PALM2AKAP2: variants seen among roughly 807,000 people sequenced by gnomAD.
PALM2AKAP2 encodes the protein PALM2 and AKAP2 fusion.
A neutral mutation model predicts 71.5 loss-of-function variants in PALM2AKAP2; 37 were observed. That is an observed-to-expected ratio of 0.52 (90% confidence interval 0.40 to 0.68). The LOEUF (loss-of-function observed/expected upper bound fraction) is 0.68, where lower values mean the gene tolerates loss of function less well. Ranked by LOEUF, PALM2AKAP2 falls within the 30% of genes least tolerant of loss-of-function variation. The pLI is 0.00. For synonymous variants in PALM2AKAP2, 468 were observed against 478.8 expected, an observed-to-expected ratio of 0.98 and a Z score of 0.29; for missense variants, 1,224 against 1,191.8, an observed-to-expected ratio of 1.03 and a Z score of -0.40.
chr9:110,149,250 T>TA (rs1836252920), intron 2 of PALM2AKAP2, among the ~76,000 whole-genome samples: 1 of 152,256 alleles, frequency 6.6e-6, no homozygotes, highest in Non-Finnish European at 1.5e-5. Flanking sequence ...CTGCTTAGTC[T>TA]ACCTTGCAAT....
intron 1 of PALM2AKAP2, among the ~76,000 whole-genome samples, chr9:110,120,023 C>T (rs1416096665): frequency 6.6e-6 from 1 of 152,180 alleles, no homozygotes; most frequent in Non-Finnish European, 1.5e-5. Context: ...TTGAACTCTA[C>T]ACCCCTTTTG....
At chr9:109,771,415 T>G (rs931147763) in intron 1 of PALM2AKAP2, among the ~76,000 whole-genome samples, 9 of 152,164 alleles carry the variant, frequency 5.9e-5, no homozygotes, top group African/African-American at 2.2e-4. Context: ...TGTCAAGTTC[T>G]CTGGGGAGGA....
At chr9:109,698,542 G>C (rs1828007106) in intron 1 of PALM2AKAP2, among the ~76,000 whole-genome samples, 1 of 152,184 alleles carries the variant, frequency 6.6e-6, no homozygotes, top group South Asian at 2.1e-4. Context: ...GTCTCTCAAA[G>C]TATTGGGATT....
At chr9:109,777,231 T>G (rs1829361498), upstream of PALM2AKAP2, among the ~76,000 whole-genome samples, 2 of 152,258 alleles carry the variant, frequency 1.3e-5, no homozygotes, top group Admixed American at 1.3e-4. Context: ...AACTTTCTTC[T>G]TGTCTTTATC....
chr9:110,109,718 A>T (rs1452275966), intron 1 of PALM2AKAP2, among the ~76,000 whole-genome samples: 3 of 152,116 alleles, frequency 2.0e-5, no homozygotes, highest in East Asian at 3.8e-4. Flanking sequence ...TTTGCCTGGG[A>T]GTGAGAGAGG....
intron 1 of PALM2AKAP2, among the ~76,000 whole-genome samples, chr9:110,068,561 C>T (rs1047923267): frequency 6.7e-6 from 1 of 150,064 alleles, no homozygotes; most frequent in Non-Finnish European, 1.5e-5. Flanking sequence ...ACAGGGTCTC[C>T]TTCTGTTGCC....
At chr9:109,782,508 A>G (rs893125463) in intron 1 of PALM2AKAP2, among the ~76,000 whole-genome samples, 3 of 152,208 alleles carry the variant, frequency 2.0e-5, no homozygotes, top group East Asian at 1.9e-4. Flanking sequence ...ATAATACAGT[A>G]TAATCAACTG....
In PALM2AKAP2 at chr9:110,035,616, A is replaced by G. The variant is rs1339505942; in HGVS notation, c.582+19577A>G. Among the ~76,000 whole-genome samples the G allele has an allele frequency of 4.4e-5, 6 of 137,052 alleles. No individual in the cohort carries two copies. In the East Asian group the frequency reaches 8.5e-4, roughly 19 times the overall value. 89.9% of individuals were successfully genotyped at this position (137,052 alleles called of 152,430 possible). ...ATATAGGATATGTTGTGTGTTATAT[A>G]TAACATATATAGGATATGTTGTGTG... On this transcript the variant is annotated intron_variant, in intron 7 of 9. Coordinates refer to the PALM2AKAP2 transcript ENST00000302798.
chr9:109,807,741 G>A lies in PALM2AKAP2; in HGVS notation c.45+27208G>A, dbSNP rs558647821. Among the ~76,000 whole-genome samples, 16 of 152,214 alleles carry A rather than the reference G, an allele frequency of 1.1e-4. No homozygotes were observed. The East Asian group carries it at 2.9e-3, about 28-fold the overall frequency. On this transcript the variant is annotated intron_variant, in intron 1 of 9. Transcript: ENST00000302798. Reference sequence around the variant, plus strand: ...AAGGCACTAATTCACCCCCTGATATGGTTTAGCTATGTCCCGACCCAAATC... The same window carrying A: ...AAGGCACTAATTCACCCCCTGATATAGTTTAGCTATGTCCCGACCCAAATC...
chr9:110,019,473 G>A (rs374964074), intron 7 of PALM2AKAP2, among the ~76,000 whole-genome samples: 14 of 152,022 alleles, frequency 9.2e-5, no homozygotes, highest in Non-Finnish European at 1.8e-4. Context: ...AAAATAAATC[G>A]TCTTATCAAA....
At chr9:110,027,216 G>C (rs538899591) in intron 7 of PALM2AKAP2, among the ~76,000 whole-genome samples, 1 of 152,248 alleles carries the variant, frequency 6.6e-6, no homozygotes, top group South Asian at 2.1e-4. Context: ...TTATCCAGCT[G>C]GTGCCTTGCT....
chr9:109,851,199 ACAACAACAAC>A, intron 1 of PALM2AKAP2, among the ~76,000 whole-genome samples: 1 of 46,914 alleles, frequency 2.1e-5, no homozygotes, highest in East Asian at 1.4e-3. Flanking sequence ...AACAACAACA[ACAACAACAAC>A]AAAAAAAAAA....
In PALM2AKAP2 at chr9:110,035,209, G is replaced by A. The variant is rs563806905; in HGVS notation, c.582+19170G>A. On this transcript the variant is annotated intron_variant, in intron 7 of 9. Coordinates refer to the PALM2AKAP2 transcript ENST00000302798. ...TATATGTGTGCATGTGTGTGTGTGT[G>A]TATATATATAAAAAATATATATAAT... is the stretch of plus-strand genomic sequence containing the variant. 5.5e-3 allele frequency among the ~76,000 whole-genome samples: 767 copies of A among 139,806 alleles called. 4 individuals carry two copies. The highest frequency in any genetic ancestry group is 9.4e-3 in the Admixed American group (125 of 13,292). 91.7% of individuals were successfully genotyped at this position (139,806 alleles called of 152,430 possible). A position where few individuals can be genotyped will look rare whatever the true frequency, so the allele number is the denominator to read the frequency against.
chr9:110,170,794 G>C (rs976539544), exon 4 of PALM2AKAP2: 2 of 152,230 alleles, frequency 1.3e-5, no homozygotes, highest in African/African-American at 4.8e-5. Flanking sequence ...TCAGGAAGGA[G>C]GATCGTCTTT....
At chr9:110,171,894 T>C (rs1836864827) in exon 4 of PALM2AKAP2, 1 of 152,668 alleles carries the variant, frequency 6.6e-6, no homozygotes, top group Non-Finnish European at 1.5e-5. Context: ...CATCCAGAAA[T>C]TATGGAAACA....
At chr9:109,999,147 T>C (rs1337054329) in intron 6 of PALM2AKAP2, among the ~76,000 whole-genome samples, 1 of 152,166 alleles carries the variant, frequency 6.6e-6, no homozygotes, top group African/African-American at 2.4e-5. Context: ...GAGACCAGCC[T>C]GGCCAACAAG....
At chr9:110,075,327 A>C (rs1834296224) in intron 1 of PALM2AKAP2, among the ~76,000 whole-genome samples, 1 of 152,220 alleles carries the variant, frequency 6.6e-6, no homozygotes, top group African/African-American at 2.4e-5. Context: ...TTCCACTATC[A>C]AGCTAGTACA....
At chr9:109,942,633 C>T in intron 6 of PALM2AKAP2, 2 of 1,511,170 alleles carry the variant, frequency 1.3e-6, no homozygotes, top group African/African-American at 2.8e-5. Flanking sequence ...ATTAACCATT[C>T]ACTGGCTTTT....
chr9:109,845,871 G>A (rs1338796264), intron 1 of PALM2AKAP2, among the ~76,000 whole-genome samples: 1 of 152,118 alleles, frequency 6.6e-6, no homozygotes, highest in South Asian at 2.1e-4. Context: ...TACTTATTGA[G>A]TGTCTACCAT....
Sources: allele counts gnomAD v4.1 joint callset (sites outside exome capture counted in the v4.1 genomes callset), GRCh38; gene constraint gnomAD v4.1.1; transcripts MANE v1.5; gene names NCBI Gene and HGNC (gene_info 2026-07-23, HGNC 2026-07-21).